The following BBS9 variants were observed in gnomAD, a reference collection of about 807,000 sequenced individuals.
The protein encoded by BBS9 is Bardet-Biedl syndrome 9.
A neutral mutation model predicts 117.7 loss-of-function variants in BBS9; 89 were observed. The observed-to-expected ratio is 0.76, with a 90% CI of 0.64 to 0.90. The LOEUF (loss-of-function observed/expected upper bound fraction) is 0.90. Among genes scored for constraint, BBS9 ranks in the 40% least tolerant of loss-of-function variants. The probability of loss-of-function intolerance (pLI) is 0.00; values close to 1 mark genes in which losing one functional copy is unlikely to be tolerated. For synonymous variants in BBS9, 379 were observed against 370.9 expected (o/e 1.02, Z -0.25); for missense variants, 982 against 1,042.2 (o/e 0.94, Z 0.80).
chr7:33,152,571 T>G, intron 2 of BBS9, 130 bp from the exon 3 acceptor site: 1 of 828,918 alleles, frequency 1.2e-6, no homozygotes, highest in Non-Finnish European at 1.9e-6. Context: ...AGAGTGGCCT[T>G]TGTGTATAAA....
At chr7:33,472,330 T>A (rs767296167) in intron 19 of BBS9, among the ~76,000 whole-genome samples, 3 of 152,330 alleles carry the variant, frequency 2.0e-5, no homozygotes, top group Admixed American at 2.0e-4. Flanking sequence ...AGGATTTTAT[T>A]TGTTTTTTGA....
intron 2 of BBS9, among the ~76,000 whole-genome samples, chr7:33,146,659 A>G (rs1792415431): frequency 6.7e-6 from 1 of 149,114 alleles, no homozygotes; most frequent in Non-Finnish European, 1.5e-5. Flanking sequence ...AGATAGTGCC[A>G]CTACACTCCA....
At chr7:33,435,735 C>T (rs376365691) in intron 19 of BBS9, among the ~76,000 whole-genome samples, 1 of 152,114 alleles carries the variant, frequency 6.6e-6, no homozygotes, top group East Asian at 1.9e-4. Context: ...AATAGCAGTG[C>T]ATATTTTATG....
In BBS9 at chr7:33,235,213, A is replaced by G. The variant is rs1179814016; in HGVS notation, c.443-22023A>G. The stretch of plus-strand genomic sequence containing the variant: ...CATTTATGTTTACACATGAAAATAT[A>G]TATTCTTCTATTCCCCTTCCTCTTT... On this transcript the variant is annotated intron_variant, in intron 5 of 22. Coordinates refer to ENST00000242067, the MANE Select transcript of BBS9 (RefSeq NM_198428.3). 2.6e-5 allele frequency among the ~76,000 whole-genome samples: 4 copies of G among 152,276 alleles called. No homozygotes were observed. The East Asian group carries it at 5.8e-4, about 22-fold the overall frequency.
At chr7:33,422,961 T>C (rs1379188807) in intron 19 of BBS9, among the ~76,000 whole-genome samples, 2 of 152,062 alleles carry the variant, frequency 1.3e-5, no homozygotes, top group African/African-American at 4.8e-5. Flanking sequence ...CACATGAATG[T>C]CCCTGAAGGA....
At chr7:33,527,577 A>G (rs539244413) in intron 20 of BBS9, among the ~76,000 whole-genome samples, 14 of 152,322 alleles carry the variant, frequency 9.2e-5, no homozygotes, top group East Asian at 1.9e-4. Flanking sequence ...GCGCTTCCCA[A>G]GTGAGGCAAT....
intron 19 of BBS9, among the ~76,000 whole-genome samples, chr7:33,481,856 A>C (rs1186037370): frequency 6.6e-6 from 1 of 152,184 alleles, no homozygotes; most frequent in Admixed American, 6.5e-5. Flanking sequence ...AAAGGGGATA[A>C]AAGTAGAATT....
At chr7:33,293,712 T>C (rs972584177) in intron 9 of BBS9, among the ~76,000 whole-genome samples, 7 of 152,204 alleles carry the variant, frequency 4.6e-5, no homozygotes, top group Non-Finnish European at 8.8e-5. Context: ...AACCTATCTC[T>C]ATAGACTATT....
intron 21 of BBS9, among the ~76,000 whole-genome samples, chr7:33,615,688 T>C (rs1865095742): frequency 6.6e-6 from 1 of 152,048 alleles, no homozygotes; most frequent in South Asian, 2.1e-4. Context: ...CAAATTAATG[T>C]CAGGCACCAA....
At chr7:33,553,566 CCAGACCTACA>C (rs1032763101) in intron 21 of BBS9, among the ~76,000 whole-genome samples, 1 of 152,152 alleles carries the variant, frequency 6.6e-6, no homozygotes, top group Admixed American at 6.6e-5. Context: ...TCATTCCCTT[CCAGACCTACA>C]AATTGTACCA....
At chr7:33,412,394 T>C (rs1434290499) in intron 19 of BBS9, among the ~76,000 whole-genome samples, 1 of 152,236 alleles carries the variant, frequency 6.6e-6, no homozygotes, top group Non-Finnish European at 1.5e-5. Context: ...TCTCTGGTCC[T>C]GTCCCAAGGG....
chr7:33,261,331 TC>T (rs1321641138), intron 6 of BBS9, among the ~76,000 whole-genome samples: 1 of 152,202 alleles, frequency 6.6e-6, no homozygotes, highest in Non-Finnish European at 1.5e-5. Context: ...GAATTCTGTA[TC>T]CCCTGAAGTG....
chr7:33,198,076 C>T (rs527842815), intron 5 of BBS9, among the ~76,000 whole-genome samples: 8 of 152,002 alleles, frequency 5.3e-5, no homozygotes, highest in Non-Finnish European at 1.2e-4. Flanking sequence ...TATGTTTCTA[C>T]CTAAGTTAAA....
chr7:33,599,337 T>C (rs1469708985), intron 21 of BBS9, among the ~76,000 whole-genome samples: 2 of 152,166 alleles, frequency 1.3e-5, no homozygotes, highest in African/African-American at 2.4e-5. Flanking sequence ...GTTTGAAACC[T>C]ACCCTGCCTA....
chr7:33,398,923 C>T (rs1172081528), intron 19 of BBS9, among the ~76,000 whole-genome samples: 1 of 152,112 alleles, frequency 6.6e-6, no homozygotes, highest in African/African-American at 2.4e-5. Flanking sequence ...TGTGACCCAT[C>T]CGCCTTGGCC....
intron 21 of BBS9, among the ~76,000 whole-genome samples, chr7:33,629,520 C>G (rs1865791437): frequency 6.6e-6 from 1 of 152,090 alleles, no homozygotes. Flanking sequence ...AACCTCTGTT[C>G]TTAGCATATG....
At chr7:33,137,823 AT>A (rs1324022439) in intron 1 of BBS9, among the ~76,000 whole-genome samples, 1 of 152,226 alleles carries the variant, frequency 6.6e-6, no homozygotes, top group Non-Finnish European at 1.5e-5. Flanking sequence ...CACTTCGGAC[AT>A]TGGGGGAACA....
intron 19 of BBS9, among the ~76,000 whole-genome samples, chr7:33,427,223 C>T (rs1833786993): frequency 6.6e-6 from 1 of 152,142 alleles, no homozygotes; most frequent in African/African-American, 2.4e-5. Context: ...TGCTTCTGAC[C>T]TAGCAGTCTT....
intron 7 of BBS9, among the ~76,000 whole-genome samples, chr7:33,265,572 C>T (rs530608335): frequency 6.6e-6 from 1 of 152,118 alleles, no homozygotes; most frequent in Admixed American, 6.5e-5. Context: ...AGGCTGGGCG[C>T]GGTGGCTCAT....
Sources: allele counts gnomAD v4.1 joint callset (sites outside exome capture counted in the v4.1 genomes callset), GRCh38; gene constraint gnomAD v4.1.1; transcripts MANE v1.5; gene names NCBI Gene and HGNC (gene_info 2026-07-23, HGNC 2026-07-21).